EXOC5: variants seen among roughly 807,000 people sequenced by gnomAD.
EXOC5 encodes the protein exocyst complex component 5, also known as SEC10-like 1.
In EXOC5, 17 loss-of-function variants were observed where a neutral mutation model predicts 90.8. The observed-to-expected ratio is 0.19, with a 90% CI of 0.13 to 0.28. The LOEUF (loss-of-function observed/expected upper bound fraction) is 0.28. EXOC5 is among the 10% of genes least tolerant of loss of function. The probability of loss-of-function intolerance (pLI) is 1.00; values close to 1 mark genes in which losing one functional copy is unlikely to be tolerated. For synonymous variants in EXOC5, 260 were observed against 270.0 expected (o/e 0.96, Z 0.36); for missense variants, 569 against 830.6 (o/e 0.69, Z 3.87).
At chr14:57,235,456 A>T (rs1209851782) in intron 7 of EXOC5, among the ~76,000 whole-genome samples, 1 of 152,054 alleles carries the variant, frequency 6.6e-6, no homozygotes, top group African/African-American at 2.4e-5. Flanking sequence ...ATCAAAGTAT[A>T]AAAATTCATC....
intron 7 of EXOC5, among the ~76,000 whole-genome samples, chr14:57,234,296 TG>T (rs2139638817): frequency 6.6e-6 from 1 of 151,930 alleles, no homozygotes; most frequent in African/African-American, 2.4e-5. Context: ...AGATGAAGTA[TG>T]TAACTGAGTT....
At chr14:57,210,578 T>C (rs1882799539) in intron 15 of EXOC5, among the ~76,000 whole-genome samples, 1 of 152,178 alleles carries the variant, frequency 6.6e-6, no homozygotes, top group Non-Finnish European at 1.5e-5. Flanking sequence ...ATTTTAATAG[T>C]TTTGTACATG....
chr14:57,216,633 A>T (rs1013894761), intron 15 of EXOC5, among the ~76,000 whole-genome samples: 8 of 152,156 alleles, frequency 5.3e-5, no homozygotes, highest in African/African-American at 1.9e-4. Context: ...TACACAAAAA[A>T]ACCCAACTCA....
At chr14:57,247,736 T>C in intron 1 of EXOC5, 24 bp from the exon 2 acceptor site, 1 of 1,293,194 alleles carries the variant, frequency 7.7e-7, no homozygotes, top group Non-Finnish European at 1.1e-6. Flanking sequence ...AAATACGCTT[T>C]AACAAAGTTT....
intron 1 of EXOC5, among the ~76,000 whole-genome samples, 171 bp from the exon 2 acceptor site, chr14:57,247,883 TAAACA>T (rs10561441): frequency 0.22 from 33,792 of 151,400 alleles, 8,771 homozygotes; most frequent in African/African-American, 0.64. Context: ...AAATCTTCAA[TAAACA>T]AAACAAATTA....
chr14:57,241,686 T>A (rs1883862241), intron 4 of EXOC5, among the ~76,000 whole-genome samples: 1 of 152,196 alleles, frequency 6.6e-6, no homozygotes, highest in South Asian at 2.1e-4. Context: ...TAAAACATAC[T>A]ACAACAATAA....
chr14:57,219,898 A>T (rs1488452535), intron 13 of EXOC5, among the ~76,000 whole-genome samples: 2 of 152,168 alleles, frequency 1.3e-5, no homozygotes, highest in Admixed American at 6.6e-5. Context: ...CTATCTACAG[A>T]TTACATTCCT....
At chr14:57,225,673 T>C (rs1032331700) in intron 12 of EXOC5, among the ~76,000 whole-genome samples, 2 of 151,960 alleles carry the variant, frequency 1.3e-5, no homozygotes, top group East Asian at 3.9e-4. Flanking sequence ...GAGACAAGTC[T>C]CAATCAATTT....
Position 57,207,703 on chromosome 14 carries a change from C to T in EXOC5, c.*906G>A, listed in dbSNP as rs566508288. ...TCAAGTTTAGCATTACGACAGAAAT[C>T]TCAAAGGGCTGCATGTTGCTAAACA... is the stretch of plus-strand genomic sequence containing the variant. On this transcript the variant is annotated 3_prime_UTR_variant, in exon 18 of 18. Transcript: ENST00000621441. 6.6e-6 allele frequency: 1 copy of T among 152,194 alleles called. No individual in the cohort carries two copies. The highest frequency in any genetic ancestry group is 1.5e-5 in the Non-Finnish European group (1 of 67,962). 9.4% of individuals were successfully genotyped at this position (152,194 alleles called of 1,614,324 possible).
At chr14:57,231,813 T>G (rs907819558) in intron 10 of EXOC5, 98 bp from the exon 11 acceptor site, 2 of 757,892 alleles carry the variant, frequency 2.6e-6, no homozygotes, top group Non-Finnish European at 4.2e-6. Context: ...TTTCATGACT[T>G]ATGTTAAGCC....
At chr14:57,222,198 G>A (rs1566727424) in intron 13 of EXOC5, 110 bp downstream of exon 13, 8 of 557,654 alleles carry the variant, frequency 1.4e-5, no homozygotes, top group South Asian at 9.1e-5. Flanking sequence ...TCATTGCACC[G>A]AACTGAATTT....
intron 1 of EXOC5, among the ~76,000 whole-genome samples, chr14:57,255,889 T>C (rs1424537017): frequency 2.0e-5 from 3 of 150,852 alleles, no homozygotes; most frequent in Admixed American, 2.0e-4. Flanking sequence ...GTATATATTC[T>C]GAATTAAAAG....
At position 57,268,856 on chromosome 14, in the gene EXOC5, C is replaced by T. The variant is rs1884793430; in HGVS notation, c.-208G>A. The T allele has an allele frequency of 1.5e-6, 2 of 1,314,916 alleles. No individual in the cohort carries two copies. Among genetic ancestry groups the T allele is most frequent in the Non-Finnish European group, 2.0e-6 (2 of 1,006,152 alleles). The allele number at this position is 1,314,916 out of a possible 1,614,324, so 81.5% of individuals were successfully genotyped here. ...AACGCTTGTCAGCTGCCTCCCGGCG[C>T]CGCCCGCGCTGCTCCCATTGTCACC... On this transcript the variant is annotated 5_prime_UTR_variant, in exon 1 of 18. Coordinates refer to ENST00000621441, the MANE Select transcript of EXOC5 (RefSeq NM_006544.4).
rs529794803 is a variant in EXOC5 at position 57,246,581 on chromosome 14, G to A, written c.270+130C>T. 11 of 784,726 alleles carry A rather than the reference G, an allele frequency of 1.4e-5. No homozygotes were observed. The South Asian group carries it at 1.5e-4, about 11-fold the overall frequency. 48.6% of individuals were successfully genotyped at this position (784,726 alleles called of 1,614,324 possible). A position where few individuals can be genotyped will look rare whatever the true frequency, so the allele number is the denominator to read the frequency against. ...AATTCATTAACATTTTACCCCATGG[G>A]ACTAAAGCAGTAGAAAGAAATCTTG... On this transcript the variant is annotated intron_variant, in intron 3 of 17. Transcript: ENST00000621441.
At chr14:57,240,447 A>G (rs2139647452) in intron 4 of EXOC5, among the ~76,000 whole-genome samples, 1 of 151,980 alleles carries the variant, frequency 6.6e-6, no homozygotes, top group South Asian at 2.1e-4. Context: ...ATGCCCGGCT[A>G]ATTTTTGTAT....
intron 1 of EXOC5, among the ~76,000 whole-genome samples, chr14:57,261,256 CTCTT>C (rs1221219885): frequency 6.6e-6 from 1 of 152,194 alleles, no homozygotes; most frequent in East Asian, 1.9e-4. Context: ...CAATCAATCA[CTCTT>C]TCAAATCTCT....
chr14:57,241,566 T>C (rs1292864638), intron 4 of EXOC5, among the ~76,000 whole-genome samples: 1 of 152,224 alleles, frequency 6.6e-6, no homozygotes, highest in Non-Finnish European at 1.5e-5. Flanking sequence ...CTAACTAGTA[T>C]AGGGGTAAAT....
At chr14:57,234,957 T>C (rs994013922) in intron 7 of EXOC5, among the ~76,000 whole-genome samples, 4 of 152,186 alleles carry the variant, frequency 2.6e-5, no homozygotes, top group African/African-American at 7.2e-5. Context: ...TGTATTTTAA[T>C]AAAATGTGTT....
chr14:57,229,600 A>G, intron 12 of EXOC5, 134 bp downstream of exon 12: 1 of 437,548 alleles, frequency 2.3e-6, no homozygotes, highest in East Asian at 3.3e-5. Flanking sequence ...CATAGAATAT[A>G]TGCAAATACT....
Sources: gnomAD v4.1 joint callset for allele counts (sites outside exome capture counted in the v4.1 genomes callset) on GRCh38, gnomAD v4.1.1 for gene constraint, MANE v1.5 for transcripts, NCBI Gene and HGNC (gene_info 2026-07-23, HGNC 2026-07-21) for gene names.